PCK2: variants seen among roughly 807,000 people sequenced by gnomAD.
PCK2 encodes the protein phosphoenolpyruvate carboxykinase 2, mitochondrial.
Under a neutral mutation model 65.9 loss-of-function variants are expected in PCK2, and 56 were observed. The ratio of observed to expected loss-of-function variants is 0.85; its 90% CI spans 0.69 to 1.06. The LOEUF (loss-of-function observed/expected upper bound fraction) is 1.06. PCK2 is among the 50% of genes least tolerant of loss of function. The pLI is 0.00. For synonymous variants in PCK2, 305 were observed against 319.6 expected (o/e 0.95, Z 0.49); for missense variants, 843 against 863.1 (o/e 0.98, Z 0.29).
chr14:24,098,215 C>G lies in PCK2; in HGVS notation c.288C>G (p.Arg96=). ...CCCTCTCCCCCAGCTGGCTGGCCCG[C>G]ACAGACCCCAAGGATGTGGCACGAG... ...LPKYNNCWLA[R]TDPKDVARVE... The change falls in exon 3 of 10, where the codon CGC becomes CGG. Residue 96 remains arginine, a synonymous_variant. Transcript: ENST00000216780. 1.2e-6 allele frequency: 2 copies of G among 1,610,138 alleles called. No individual in the cohort carries two copies. The highest frequency in any genetic ancestry group is 1.7e-6 in the Non-Finnish European group (2 of 1,177,318).
chr14:24,100,519 G>T, intron 7 of PCK2: 1 of 881,180 alleles, frequency 1.1e-6, no homozygotes, highest in Non-Finnish European at 1.5e-6. Context: ...GCATAAAAAG[G>T]GTTTATCACA....
At chr14:24,102,725 A>G (rs1230356082) in intron 7 of PCK2, 28 bp from the exon 8 acceptor site, 2 of 1,605,104 alleles carry the variant, frequency 1.2e-6, no homozygotes, top group African/African-American at 1.3e-5. Context: ...GACCTTGGAA[A>G]TAATAGTGTT....
Position 24,103,833 on chromosome 14 carries a change from C to A in PCK2, c.1792C>A (p.Leu598Ile), listed in dbSNP as rs747111120. 2 of 1,614,010 alleles carry A rather than the reference C, an allele frequency of 1.2e-6. No homozygotes were observed. The highest frequency in any genetic ancestry group is 3.3e-5 in the Admixed American group (2 of 59,996). The part of the protein sequence containing the change: ...RAIDTTQLFS[L>I]PKDFWEQEVR... ...TATAGACACCACTCAGCTGTTCTCC[C>A]TCCCCAAGGACTTCTGGGAACAGGA... Residue 598 changes from leucine (L) to isoleucine (I), a missense_variant, in exon 10 of 10, where the codon CTC becomes ATC. Leu to Ile is a conservative substitution (Grantham distance 5). Coordinates refer to ENST00000216780, the MANE Select transcript of PCK2 (RefSeq NM_004563.4).
intron 7 of PCK2, among the ~76,000 whole-genome samples, chr14:24,100,722 A>C (rs996065210): frequency 4.6e-5 from 7 of 152,122 alleles, no homozygotes; most frequent in Admixed American, 1.3e-4. Flanking sequence ...CTTGGCTCCC[A>C]CTGTCCCCTG....
At chr14:24,102,690 GTA>G in intron 7 of PCK2, 61 bp from the exon 8 acceptor site, 1 of 1,379,320 alleles carries the variant, frequency 7.2e-7, no homozygotes, top group Non-Finnish European at 1.0e-6. Flanking sequence ...GTGTGCCCAT[GTA>G]TGTGTGTGTT....
At position 24,094,678 on chromosome 14, in the gene PCK2, ATCTC is replaced by A. The variant is rs1281261416; in HGVS notation, c.29+246_29+249del. 2 of 1,516,944 alleles carry A rather than the reference ATCTC, an allele frequency of 1.3e-6. No individual in the cohort carries two copies. Among genetic ancestry groups the A allele is most frequent in the Non-Finnish European group, 1.8e-6 (2 of 1,135,000 alleles). The allele number at this position is 1,516,944 out of a possible 1,614,324, so 94.0% of individuals were successfully genotyped here. On this transcript the variant is annotated intron_variant, in intron 1 of 9. Coordinates refer to ENST00000216780, the MANE Select transcript of PCK2 (RefSeq NM_004563.4). The surrounding 1 kb of genome is among the most constrained non-coding windows in gnomAD (Gnocchi z 4.1). ...TGCCTCGCTCGCCTCTGACCGCGCG[ATCTC>A]TATCTGCCACTCTCAGAACTTCCTC...
At chr14:24,101,497 A>G (rs1345803476) in intron 7 of PCK2, among the ~76,000 whole-genome samples, 5 of 152,214 alleles carry the variant, frequency 3.3e-5, no homozygotes, top group Non-Finnish European at 7.3e-5. Flanking sequence ...GGACACCTGA[A>G]GGTGCCAAGT....
At chr14:24,100,905 C>A (rs1364470182) in intron 7 of PCK2, among the ~76,000 whole-genome samples, 2 of 152,218 alleles carry the variant, frequency 1.3e-5, no homozygotes, top group African/African-American at 4.8e-5. Context: ...TCCCACCTCT[C>A]CCTCAGCCCT....
At chr14:24,095,662 G>A (rs1241503345) in intron 1 of PCK2, among the ~76,000 whole-genome samples, 1 of 152,188 alleles carries the variant, frequency 6.6e-6, no homozygotes, top group Non-Finnish European at 1.5e-5. Context: ...GTTTCTGATG[G>A]GCGAGGCCTT....
In PCK2 at chr14:24,104,024, C is replaced by T. The variant is rs942358866; in HGVS notation, c.*60C>T. On this transcript the variant is annotated 3_prime_UTR_variant, in exon 10 of 10. Coordinates refer to ENST00000216780, the MANE Select transcript of PCK2 (RefSeq NM_004563.4). ...CCTCATCTGGGAATAGGGAAGGCACCTTGCAGAAAATATGAGCAATTTGAT... is the reference window on the plus strand; with the variant it reads ...CCTCATCTGGGAATAGGGAAGGCACTTTGCAGAAAATATGAGCAATTTGAT... The T allele has an allele frequency of 7.2e-6, 9 of 1,258,034 alleles. No individual in the cohort carries two copies. The highest frequency in any genetic ancestry group is 1.0e-5 in the Non-Finnish European group (9 of 869,888). The allele number at this position is 1,258,034 out of a possible 1,614,324, so 77.9% of individuals were successfully genotyped here.
chr14:24,102,685 C>T, intron 7 of PCK2, 68 bp from the exon 8 acceptor site: 2 of 1,334,732 alleles, frequency 1.5e-6, no homozygotes, highest in South Asian at 1.3e-5. Flanking sequence ...AGAATGTGTG[C>T]CCATGTATGT....
At chr14:24,099,388 T>C (rs2037057337) in intron 5 of PCK2, 152 bp downstream of exon 5, 12 of 1,005,718 alleles carry the variant, frequency 1.2e-5, no homozygotes, top group Non-Finnish European at 1.1e-5. Flanking sequence ...CTCAGGCTGC[T>C]GAATGTTGAG....
chr14:24,103,533 T>C lies in PCK2; in HGVS notation c.1492T>C (p.Phe498Leu), dbSNP rs760016202. 7.1e-6 allele frequency: 11 copies of C among 1,559,202 alleles called. No individual in the cohort carries two copies. In the South Asian group the frequency reaches 1.3e-4, roughly 19 times the overall value. Residue 498 changes from phenylalanine to leucine, a missense_variant, in exon 10 of 10, where the codon TTT becomes CTT. Transcript: ENST00000216780. ...HKGKIIMHDP[F>L]AMRPFFGYNF... ...AGGGAAGATCATCATGCACGACCCATTTGCCATGCGGCCCTTTTTTGGCTA... is the reference window on the plus strand; with the variant it reads ...AGGGAAGATCATCATGCACGACCCACTTGCCATGCGGCCCTTTTTTGGCTA...
At chr14:24,099,435 C>T in intron 5 of PCK2, 123 bp from the exon 6 acceptor site, 1 of 1,057,636 alleles carries the variant, frequency 9.5e-7, no homozygotes, top group East Asian at 2.4e-5. Flanking sequence ...GATGGCAGGG[C>T]AATCACTTAT....
rs760720880 is a variant in PCK2 at position 24,099,672 on chromosome 14, G to T, written c.967G>T (p.Val323Leu). 1 of 1,614,190 alleles carries T rather than the reference G, an allele frequency of 6.2e-7. No homozygotes were observed. Among genetic ancestry groups the T allele is most frequent in the South Asian group, 1.1e-5 (1 of 91,084 alleles). ...MMRPALPGWKVECVGDDIAWM... is the reference protein window; with the variant it reads ...MMRPALPGWKLECVGDDIAWM... Reference sequence around the variant, plus strand: ...GCGGCCTGCACTGCCAGGCTGGAAAGTGGAGTGTGTGGGGGATGATATTGC... The same window carrying T: ...GCGGCCTGCACTGCCAGGCTGGAAATTGGAGTGTGTGGGGGATGATATTGC... Residue 323 changes from valine (V) to leucine (L), a missense_variant, in exon 6 of 10, where the codon GTG becomes TTG. Coordinates refer to ENST00000216780, the MANE Select transcript of PCK2 (RefSeq NM_004563.4).
At chr14:24,096,025 T>C (rs1333777627) in intron 1 of PCK2, among the ~76,000 whole-genome samples, 2 of 152,186 alleles carry the variant, frequency 1.3e-5, no homozygotes, top group Non-Finnish European at 2.9e-5. Flanking sequence ...CTGGAAAGAC[T>C]GTGACCTTTG....
At chr14:24,103,452 T>G (rs2037246559) in intron 9 of PCK2, 58 bp from the exon 10 acceptor site, 1 of 1,398,616 alleles carries the variant, frequency 7.1e-7, no homozygotes, top group Admixed American at 2.1e-5. Flanking sequence ...GGATGCAGGG[T>G]GCCCTTCCCT....
At chr14:24,095,188 G>A (rs901078635) in intron 1 of PCK2, 1 of 455,910 alleles carries the variant, frequency 2.2e-6, no homozygotes, top group Non-Finnish European at 4.4e-6. Context: ...CGCACAGCCC[G>A]TTCCACTTGG....
chr14:24,098,991 C>A, intron 4 of PCK2, 58 bp from the exon 5 acceptor site: 1 of 1,369,604 alleles, frequency 7.3e-7, no homozygotes, highest in Non-Finnish European at 1.0e-6. Flanking sequence ...TCCCTCTGGC[C>A]CCGACACCCC....
Sources: allele counts gnomAD v4.1 joint callset (sites outside exome capture counted in the v4.1 genomes callset), GRCh38; gene constraint gnomAD v4.1.1; non-coding constraint Gnocchi (gnomAD v3.1); transcripts MANE v1.5; gene names NCBI Gene and HGNC (gene_info 2026-07-23, HGNC 2026-07-21).